Variants in LRRC40 observed in about 807,000 individuals in gnomAD.
LRRC40 encodes leucine-rich repeat-containing protein 40.
In LRRC40, 76 loss-of-function variants were observed where a neutral mutation model predicts 72.8. That is an observed-to-expected ratio of 1.04 (90% CI 0.87 to 1.26). The LOEUF (loss-of-function observed/expected upper bound fraction) is 1.26, where lower values mean the gene tolerates loss of function less well. Among genes scored for constraint, LRRC40 ranks in the 50% most tolerant of loss-of-function variants. The probability of loss-of-function intolerance (pLI) is 0.00; values close to 1 mark genes in which losing one functional copy is unlikely to be tolerated. For synonymous variants in LRRC40, 243 were observed against 254.2 expected, an observed-to-expected ratio of 0.96 and a Z score of 0.42; for missense variants, 684 against 698.9, an observed-to-expected ratio of 0.98 and a Z score of 0.24.
chr1:70,203,192 T>A lies in LRRC40; in HGVS notation c.151+2198A>T, dbSNP rs115548491. Among the ~76,000 whole-genome samples, 661 of 152,188 alleles carry A rather than the reference T, an allele frequency of 4.3e-3. 4 individuals carry two copies. The highest frequency in any genetic ancestry group is 0.015 in the African/African-American group (617 of 41,540). The stretch of plus-strand genomic sequence containing the variant: ...TTACAGGCATGAGCTACTATCATTA[T>A]CAAAGTATAGGATACTGAAAAGAGG... On this transcript the variant is annotated intron_variant, in intron 1 of 14. Transcript: ENST00000370952.
At chr1:70,184,257 A>C (rs1300396034) in intron 4 of LRRC40, among the ~76,000 whole-genome samples, 1 of 152,150 alleles carries the variant, frequency 6.6e-6, no homozygotes, top group Non-Finnish European at 1.5e-5. Flanking sequence ...CCCCAAAAAT[A>C]AAATAATAAT....
intron 14 of LRRC40, among the ~76,000 whole-genome samples, chr1:70,146,150 G>A (rs562023062): frequency 5.3e-5 from 8 of 151,702 alleles, no homozygotes; most frequent in Admixed American, 2.6e-4. Context: ...TCAGCCTCCC[G>A]GGTAGCTGGG....
At chr1:70,184,603 C>CAGG (rs888570926) in intron 4 of LRRC40, among the ~76,000 whole-genome samples, 182 bp downstream of exon 4, 13 of 152,158 alleles carry the variant, frequency 8.5e-5, no homozygotes, top group African/African-American at 2.9e-4. Context: ...TTTCATAATA[C>CAGG]AGGAAAACCA....
At chr1:70,202,732 GTAC>G (rs1341336525) in intron 1 of LRRC40, among the ~76,000 whole-genome samples, 2 of 152,062 alleles carry the variant, frequency 1.3e-5, no homozygotes, top group Non-Finnish European at 2.9e-5. Context: ...TATAATAAAT[GTAC>G]TACATTAATG....
chr1:70,183,426 A>G (rs1231149020), intron 4 of LRRC40, among the ~76,000 whole-genome samples: 1 of 150,812 alleles, frequency 6.6e-6, no homozygotes, highest in Non-Finnish European at 1.5e-5. Context: ...AAAGAGATGG[A>G]TACACTTTGG....
In LRRC40 at chr1:70,197,590, C is replaced by T. The variant is rs1330432163; in HGVS notation, c.151+7800G>A. On this transcript the variant is annotated intron_variant, in intron 1 of 14. Coordinates refer to ENST00000370952, the MANE Select transcript of LRRC40 (RefSeq NM_017768.5). ...AATCACACCTGGCCCCCCCAACCCCCGGCTTTTTTTTTTTTTTTAAGCAAA... is the reference window on the plus strand; with the variant it reads ...AATCACACCTGGCCCCCCCAACCCCTGGCTTTTTTTTTTTTTTTAAGCAAA... Among the ~76,000 whole-genome samples the T allele has an allele frequency of 4.1e-5, 6 of 146,510 alleles. No individual in the cohort carries two copies. The South Asian group carries it at 6.8e-4, about 17-fold the overall frequency.
chr1:70,154,956 T>C (rs1391331467), intron 11 of LRRC40, among the ~76,000 whole-genome samples: 2 of 152,170 alleles, frequency 1.3e-5, no homozygotes, highest in Non-Finnish European at 2.9e-5. Context: ...AGCAATTGAC[T>C]ATATTGCTCA....
At chr1:70,179,228 G>C (rs561166175) in intron 5 of LRRC40, among the ~76,000 whole-genome samples, 1 of 152,204 alleles carries the variant, frequency 6.6e-6, no homozygotes, top group South Asian at 2.1e-4. Flanking sequence ...GTGCTGTAAT[G>C]CCAGCACTTT....
intron 9 of LRRC40, among the ~76,000 whole-genome samples, chr1:70,163,077 T>C (rs1667798760): frequency 6.7e-6 from 1 of 148,330 alleles, no homozygotes. Flanking sequence ...TCCTTTCCTT[T>C]TCTTTTTTTT....
At chr1:70,157,287 G>A (rs1040707005) in intron 10 of LRRC40, among the ~76,000 whole-genome samples, 3 of 152,096 alleles carry the variant, frequency 2.0e-5, no homozygotes, top group African/African-American at 7.2e-5. Context: ...TCAAGTTCAT[G>A]GGGAACTGAC....
chr1:70,191,163 C>T (rs1193185774), intron 1 of LRRC40, among the ~76,000 whole-genome samples: 3 of 148,390 alleles, frequency 2.0e-5, no homozygotes, highest in Non-Finnish European at 4.5e-5. Context: ...GTATGAGTCA[C>T]AAACAAAAAG....
At chr1:70,175,740 C>T in intron 7 of LRRC40, 70 bp downstream of exon 7, 2 of 1,169,284 alleles carry the variant, frequency 1.7e-6, no homozygotes, top group Admixed American at 3.5e-5. Flanking sequence ...GGTTTTTTAA[C>T]AAATATTTCA....
In LRRC40 at chr1:70,203,232, G is replaced by C. The variant is rs369980773; in HGVS notation, c.151+2158C>G. ...CTGAAAAGAGGCCTCAAAGTAAATA[G>C]TTAAGGGAAAGGTTTAGAAAGACTT... On this transcript the variant is annotated intron_variant, in intron 1 of 14. Transcript: ENST00000370952. Among the ~76,000 whole-genome samples the C allele has an allele frequency of 9.1e-4, 138 of 152,244 alleles. 2 individuals carry two copies. The South Asian group carries it at 0.028, about 31-fold the overall frequency.
intron 3 of LRRC40, among the ~76,000 whole-genome samples, chr1:70,186,935 A>C (rs1668373339): frequency 6.6e-6 from 1 of 152,136 alleles, no homozygotes; most frequent in African/African-American, 2.4e-5. Context: ...TAGAATATCA[A>C]GGTAACTTAA....
At chr1:70,164,386 A>G (rs1047625145) in intron 9 of LRRC40, among the ~76,000 whole-genome samples, 3 of 152,080 alleles carry the variant, frequency 2.0e-5, no homozygotes, top group Non-Finnish European at 2.9e-5. Flanking sequence ...GCGAAACTCC[A>G]TATCAAAAGA....
intron 1 of LRRC40, among the ~76,000 whole-genome samples, chr1:70,199,289 A>C (rs1668683482): frequency 6.6e-6 from 1 of 151,950 alleles, no homozygotes; most frequent in Non-Finnish European, 1.5e-5. Flanking sequence ...ATTAACAGTG[A>C]CTAACTCTGG....
At chr1:70,204,788 A>G (rs532524189) in intron 1 of LRRC40, among the ~76,000 whole-genome samples, 27 of 151,712 alleles carry the variant, frequency 1.8e-4, no homozygotes, top group African/African-American at 6.1e-4. Flanking sequence ...CTGGCCATTC[A>G]TTCATGGTAC....
chr1:70,178,100 C>A (rs1218967066), intron 6 of LRRC40, among the ~76,000 whole-genome samples: 1 of 152,128 alleles, frequency 6.6e-6, no homozygotes, highest in African/African-American at 2.4e-5. Flanking sequence ...GGCTTCTGGT[C>A]AACAGGAGAC....
chr1:70,193,656 A>G (rs902219622), intron 1 of LRRC40, among the ~76,000 whole-genome samples: 7 of 152,116 alleles, frequency 4.6e-5, no homozygotes, highest in Non-Finnish European at 5.9e-5. Context: ...ACATTAAAAG[A>G]GAAAATAAAA....
Sources: allele counts gnomAD v4.1 joint callset (sites outside exome capture counted in the v4.1 genomes callset), GRCh38; gene constraint gnomAD v4.1.1; transcripts MANE v1.5; gene names NCBI Gene and HGNC (gene_info 2026-07-23, HGNC 2026-07-21).